EML2: variants seen among roughly 807,000 people sequenced by gnomAD.
EML2 encodes the protein EMAP like 2, also known as echinoderm microtubule-associated protein-like 2.
In EML2, 59 loss-of-function variants were observed where a neutral mutation model predicts 84.7. The observed-to-expected ratio is 0.70, with a 90% CI of 0.56 to 0.86. EML2 has a LOEUF of 0.86. Among genes scored for constraint, EML2 ranks in the 40% least tolerant of loss-of-function variants. The pLI is 0.00. For synonymous variants in EML2, 352 were observed against 348.9 expected, an observed-to-expected ratio of 1.01 and a Z score of -0.10; for missense variants, 818 against 855.6, an observed-to-expected ratio of 0.96 and a Z score of 0.55.
chr19:45,644,947 G>C (rs757426686), upstream of EML2: 77 of 458,730 alleles, frequency 1.7e-4, no homozygotes, highest in Non-Finnish European at 2.8e-4. Flanking sequence ...AGAAGCTTGA[G>C]GGGAGAGAGA....
Position 45,619,197 on chromosome 19 carries a change from G to T in EML2, c.1123-6C>A. ...CACAGCTCTTCCACATGGCCCTGGTGGAAAGGGAGGACAGCAGGATGGAGA... is the reference window on the plus strand; with the variant it reads ...CACAGCTCTTCCACATGGCCCTGGTTGAAAGGGAGGACAGCAGGATGGAGA... On this transcript the variant is annotated splice_polypyrimidine_tract_variant and splice_region_variant and intron_variant, in intron 11 of 18. Transcript: ENST00000245925. The T allele has an allele frequency of 6.2e-7, 1 of 1,608,674 alleles. No individual in the cohort carries two copies. The highest frequency in any genetic ancestry group is 8.5e-7 in the Non-Finnish European group (1 of 1,178,078).
rs373742658 is a variant in EML2, at chr19:45,634,379, T to A, written c.272A>T (p.Tyr91Phe). ...TCGCTGCCTCTGCTCCTCCACGCTG[T>A]ATAGCACGGCTACGGAGGCCACAAA... Reference protein sequence around the residue: ...VYFVASVAVLYSVEEQRQRHY... With the variant: ...VYFVASVAVLFSVEEQRQRHY... The change falls in exon 4 of 19, where the codon TAC (tyrosine) becomes TTC (phenylalanine). Residue 91 changes from tyrosine to phenylalanine, a missense_variant. Transcript: ENST00000245925. 1 of 1,614,018 alleles carries A rather than the reference T, an allele frequency of 6.2e-7. No individual in the cohort carries two copies. Among genetic ancestry groups the A allele is most frequent in the Non-Finnish European group, 8.5e-7 (1 of 1,179,970 alleles).
chr19:45,635,091 C>T (rs545416792), intron 3 of EML2, among the ~76,000 whole-genome samples: 339 of 152,156 alleles, frequency 2.2e-3, no homozygotes, highest in Middle Eastern at 3.4e-3. Flanking sequence ...CCTCATGATC[C>T]GCCCGCCTCA....
intron 3 of EML2, among the ~76,000 whole-genome samples, chr19:45,634,883 G>A (rs1320020111): frequency 2.0e-5 from 3 of 149,462 alleles, no homozygotes; most frequent in Non-Finnish European, 4.4e-5. Flanking sequence ...ACGCAGTCTC[G>A]CTCTGTCTCC....
chr19:45,645,047 C>G, upstream of EML2: 1 of 602,894 alleles, frequency 1.7e-6, no homozygotes, highest in Non-Finnish European at 2.9e-6. Context: ...CTCTCCTCTC[C>G]GTCTAGCCAC....
chr19:45,609,569 T>G lies in EML2; in HGVS notation c.*94A>C. On this transcript the variant is annotated 3_prime_UTR_variant, in exon 19 of 19. Coordinates refer to ENST00000245925, the MANE Select transcript of EML2 (RefSeq NM_012155.4). ...CCCGCCCCCATAACCCCCTCTGCTATAGACATACTCTGGGTATATATTACT... is the reference window on the plus strand; with the variant it reads ...CCCGCCCCCATAACCCCCTCTGCTAGAGACATACTCTGGGTATATATTACT... 7.9e-7 allele frequency: 1 copy of G among 1,270,256 alleles called. No homozygotes were observed. The highest frequency in any genetic ancestry group is 1.0e-6 in the Non-Finnish European group (1 of 956,086). The allele number at this position is 1,270,256 out of a possible 1,614,324, so 78.7% of individuals were successfully genotyped here.
chr19:45,619,092 A>T lies in EML2; in HGVS notation c.1222T>A (p.Ser408Thr). The T allele has an allele frequency of 6.2e-7, 1 of 1,613,338 alleles. No individual in the cohort carries two copies. The highest frequency in any genetic ancestry group is 1.3e-5 in the African/African-American group (1 of 74,986). ...ATCCTGCTCCACAGGGGCTGGTGGG[A>T]ATCTGAGCTCCATAGATGCACCAGC... Reference protein sequence around the residue: ...DKLVHLWSSDSHQPLWSRIIE... With the variant: ...DKLVHLWSSDTHQPLWSRIIE... Residue 408 changes from serine (S) to threonine (T), a missense_variant, in exon 12 of 19, where the codon TCC becomes ACC. Physicochemically the swap from Ser to Thr is moderately conservative, Grantham distance 58. Coordinates refer to ENST00000245925, the MANE Select transcript of EML2 (RefSeq NM_012155.4).
intron 15 of EML2, among the ~76,000 whole-genome samples, 158 bp downstream of exon 15, chr19:45,616,303 C>T (rs1971062598): frequency 6.6e-6 from 1 of 152,074 alleles, no homozygotes; most frequent in African/African-American, 2.4e-5. Context: ...TTAGAACACA[C>T]GAGGTGGTGA....
At chr19:45,642,301 G>C, upstream of EML2, 1 of 1,535,804 alleles carries the variant, frequency 6.5e-7, no homozygotes, top group South Asian at 1.2e-5. Flanking sequence ...CTGCTCCAGC[G>C]CCGACACGCG....
Position 45,626,799 on chromosome 19 carries a change from G to A in EML2, c.647C>T (p.Thr216Met), listed in dbSNP as rs778853123. ...EAVLVATFHP[T>M]DPTVLITCGK... ...GCAGGTGATAAGCACAGTGGGGTCC[G>A]TGGGGTGGAAGGTGGCCACCAATAC... The change falls in exon 8 of 19, where the codon ACG becomes ATG. Residue 216 changes from threonine to methionine, a missense_variant. Physicochemically the swap from Thr to Met is moderately conservative, Grantham distance 81. Coordinates refer to ENST00000245925, the MANE Select transcript of EML2 (RefSeq NM_012155.4). 38 of 1,613,644 alleles carry A rather than the reference G, an allele frequency of 2.4e-5. No individual in the cohort carries two copies. In the South Asian group the frequency reaches 2.6e-4, roughly 11 times the overall value.
At chr19:45,630,116 C>G (rs1198962460) in intron 6 of EML2, 70 bp from the exon 7 acceptor site, 10 of 1,127,734 alleles carry the variant, frequency 8.9e-6, no homozygotes, top group East Asian at 4.8e-5. Context: ...CCATGCCCAC[C>G]AAGGCATTCA....
chr19:45,623,218 G>T (rs1165717103), intron 9 of EML2, among the ~76,000 whole-genome samples: 1 of 152,040 alleles, frequency 6.6e-6, no homozygotes, highest in African/African-American at 2.4e-5. Flanking sequence ...AATTAGCCGG[G>T]TGTGGTGGCG....
chr19:45,634,684 C>T (rs1206203153), intron 3 of EML2, among the ~76,000 whole-genome samples: 1 of 152,002 alleles, frequency 6.6e-6, no homozygotes, highest in Admixed American at 6.6e-5. Context: ...GCCTCAGCCT[C>T]CTGAGTAGCT....
chr19:45,610,338 A>T (rs1245097959), intron 18 of EML2, among the ~76,000 whole-genome samples: 10 of 152,210 alleles, frequency 6.6e-5, no homozygotes, highest in African/African-American at 1.9e-4. Context: ...CGGAGGTTGC[A>T]GTGAGCCAAG....
At position 45,629,943 on chromosome 19, in the gene EML2, C is replaced by A; in HGVS notation, c.606+8G>T. ...CCCAGCAGGAGGGGATGAGAAAAGT[C>A]ACCTCACCTTGACATCCACCACCTT... On this transcript the variant is annotated splice_region_variant and intron_variant, in intron 7 of 18. Coordinates refer to ENST00000245925, the MANE Select transcript of EML2 (RefSeq NM_012155.4). 1 of 1,611,594 alleles carries A rather than the reference C, an allele frequency of 6.2e-7. No individual in the cohort carries two copies. Among genetic ancestry groups the A allele is most frequent in the South Asian group, 1.1e-5 (1 of 91,020 alleles).
At chr19:45,635,440 G>A (rs10853775) in intron 3 of EML2, among the ~76,000 whole-genome samples, 72,220 of 151,658 alleles carry the variant, frequency 0.48, 17,458 homozygotes, top group East Asian at 0.63. Flanking sequence ...GCGCCCAGCC[G>A]AGGAATGTAT....
chr19:45,642,599 A>T, upstream of EML2: 1 of 1,205,602 alleles, frequency 8.3e-7, no homozygotes, highest in Non-Finnish European at 1.1e-6. Flanking sequence ...GACCTTGGGG[A>T]AGTCCCTTCC....
intron 7 of EML2, among the ~76,000 whole-genome samples, chr19:45,629,621 G>GC (rs1237935706): frequency 1.4e-5 from 2 of 147,892 alleles, no homozygotes; most frequent in African/African-American, 5.2e-5. Context: ...ACCGTGCCCG[G>GC]CCTTTTTTTT....
intron 11 of EML2, among the ~76,000 whole-genome samples, chr19:45,619,910 T>C (rs1226593413): frequency 6.6e-6 from 1 of 151,906 alleles, no homozygotes. Context: ...AATTTGCCAG[T>C]TGTGGTGGTG....
Sources: allele counts gnomAD v4.1 joint callset (sites outside exome capture counted in the v4.1 genomes callset), GRCh38; gene constraint gnomAD v4.1.1; transcripts MANE v1.5; gene names NCBI Gene and HGNC (gene_info 2026-07-23, HGNC 2026-07-21).